CATSPER2: variants seen among roughly 807,000 people sequenced by gnomAD.
CATSPER2 encodes the protein cation channel sperm associated 2, also known as cation channel sperm-associated protein 2.
In CATSPER2, 56 loss-of-function variants were observed where a neutral mutation model predicts 68.8. The ratio of observed to expected loss-of-function variants is 0.81; its 90% CI spans 0.66 to 1.02. The LOEUF is 1.02. Among genes scored for constraint, CATSPER2 ranks in the 50% least tolerant of loss-of-function variants. The pLI, the probability that CATSPER2 is intolerant of heterozygous loss-of-function variation, is 0.00. For synonymous variants in CATSPER2, 198 were observed against 229.9 expected, an observed-to-expected ratio of 0.86 and a Z score of 1.26; for missense variants, 582 against 642.0, an observed-to-expected ratio of 0.91 and a Z score of 1.01.
Position 43,630,702 on chromosome 15 carries a change from T to A in CATSPER2, c.1592A>T (p.Ter531LeuextTer27). 6.2e-7 allele frequency: 1 copy of A among 1,611,826 alleles called. No individual in the cohort carries two copies. The highest frequency in any genetic ancestry group is 8.5e-7 in the Non-Finnish European group (1 of 1,179,568). The change falls in exon 13 of 13, where the codon TAA becomes TTA. Residue 531 changes from the stop codon to leucine (L), a stop_lost. Coordinates refer to ENST00000396879, the MANE Select transcript of CATSPER2 (RefSeq NM_172095.4). ...AGGATATTGAAGCCATCCATTGCTT[T>A]ACTTGTCTTCCAAGTTCATCAGTGC... ...VQALMNLEDK[*>L]
At chr15:43,648,882 C>G (rs1567135667), upstream of CATSPER2, 1 of 1,495,428 alleles carries the variant, frequency 6.7e-7, no homozygotes. Context: ...CCCGCCCCGC[C>G]CCGCTCTCCG....
chr15:43,648,785 C>T lies in CATSPER2; in HGVS notation c.-159G>A, dbSNP rs1445935205. The stretch of plus-strand genomic sequence containing the variant: ...CCCGCCCCGCTCGACCCCCAGGTTT[C>T]GGCTCACCCCGGGACCCGGCCCTAG... On this transcript the variant is annotated 5_prime_UTR_variant, in exon 1 of 13. Coordinates refer to ENST00000396879, the MANE Select transcript of CATSPER2 (RefSeq NM_172095.4). 5 of 1,530,498 alleles carry T rather than the reference C, an allele frequency of 3.3e-6. No homozygotes were observed. The highest frequency in any genetic ancestry group is 1.2e-5 in the South Asian group (1 of 83,364). The allele number at this position is 1,530,498 out of a possible 1,614,324, so 94.8% of individuals were successfully genotyped here. A position where few individuals can be genotyped will look rare whatever the true frequency, so the allele number is the denominator to read the frequency against.
In CATSPER2 at chr15:43,638,287, T is replaced by C. The variant is rs1305094568; in HGVS notation, c.842+617A>G. On this transcript the variant is annotated intron_variant, in intron 7 of 12. Transcript: ENST00000396879. ...TTTTTCTTTTCTTTTTCTTTCTTTCTTTTTTTTTTTTTTTTTTTTTGAGAT... is the reference window on the plus strand; with the variant it reads ...TTTTTCTTTTCTTTTTCTTTCTTTCCTTTTTTTTTTTTTTTTTTTTGAGAT... Among the ~76,000 whole-genome samples, 5 of 62,230 alleles carry C rather than the reference T, an allele frequency of 8.0e-5. No homozygotes were observed. The East Asian group carries it at 1.8e-3, about 22-fold the overall frequency. 40.8% of individuals were successfully genotyped at this position (62,230 alleles called of 152,430 possible).
At position 43,647,990 on chromosome 15, in the gene CATSPER2, A is replaced by T. The variant is rs1197303822; in HGVS notation, c.72T>A (p.Asp24Glu). The change falls in exon 2 of 13, where the codon GAT becomes GAA. Residue 24 changes from aspartate (D) to glutamate (E), a missense_variant. Coordinates refer to ENST00000396879, the MANE Select transcript of CATSPER2 (RefSeq NM_172095.4). ...RADAIRSRLI[D>E]TFSLIEHLQG... Reference sequence around the variant, plus strand: ...GCAAATGCTCAATGAGAGAGAAAGTATCGATGAGACGTGAACGAATGGCAT... The same window carrying T: ...GCAAATGCTCAATGAGAGAGAAAGTTTCGATGAGACGTGAACGAATGGCAT... The T allele has an allele frequency of 1.9e-6, 3 of 1,613,574 alleles. No individual in the cohort carries two copies. In the Admixed American group the frequency reaches 5.0e-5, roughly 27 times the overall value.
intron 12 of CATSPER2, among the ~76,000 whole-genome samples, chr15:43,631,746 C>T (rs918012224): frequency 1.1e-4 from 16 of 152,024 alleles, no homozygotes; most frequent in Admixed American, 9.2e-4. Flanking sequence ...ACAGTGAGCA[C>T]GTGTGGGCAT....
intron 12 of CATSPER2, chr15:43,631,316 C>T (rs547258708): frequency 5.0e-5 from 9 of 180,770 alleles, no homozygotes; most frequent in African/African-American, 7.2e-5. Flanking sequence ...CTGCAACCTC[C>T]GCCTTCCAGG....
intron 10 of CATSPER2, chr15:43,633,345 C>T: frequency 3.8e-6 from 1 of 260,336 alleles, no homozygotes; most frequent in Non-Finnish European, 7.5e-6. Context: ...TGTCACTCCT[C>T]TGTTCTGCTT....
chr15:43,648,011 G>A lies in CATSPER2; in HGVS notation c.51C>T (p.Ala17=). The part of the protein sequence containing the change: ...EEQMQLPRAD[A]IRSRLIDTFS... ...AAGTATCGATGAGACGTGAACGAAT[G>A]GCATCAGCTCGGGGAAGCTGCATCT... Residue 17 remains alanine, a synonymous_variant, in exon 2 of 13, where the codon GCC becomes GCT. Transcript: ENST00000396879. 2.5e-6 allele frequency: 4 copies of A among 1,613,634 alleles called. No homozygotes were observed. The highest frequency in any genetic ancestry group is 3.4e-6 in the Non-Finnish European group (4 of 1,179,714).
intron 7 of CATSPER2, among the ~76,000 whole-genome samples, chr15:43,636,739 A>G (rs1308879540): frequency 6.6e-6 from 1 of 151,782 alleles, no homozygotes. Flanking sequence ...TCACTATTCC[A>G]TTAGTTCTTG....
chr15:43,648,819 C>G lies in CATSPER2; in HGVS notation c.-193G>C. The G allele has an allele frequency of 7.8e-6, 12 of 1,533,120 alleles. No individual in the cohort carries two copies. Among genetic ancestry groups the G allele is most frequent in the Non-Finnish European group, 1.0e-5 (12 of 1,143,574 alleles). 95.0% of individuals were successfully genotyped at this position (1,533,120 alleles called of 1,614,324 possible). On this transcript the variant is annotated 5_prime_UTR_variant, in exon 1 of 13. Transcript: ENST00000396879. Reference sequence around the variant, plus strand: ...CCGGGACCCGGCCCTAGCCCCTACCCACAGCCCAGGACCATGCGGAGCAAC... The same window carrying G: ...CCGGGACCCGGCCCTAGCCCCTACCGACAGCCCAGGACCATGCGGAGCAAC...
At chr15:43,637,515 T>C (rs1371275250) in intron 7 of CATSPER2, 1 of 151,894 alleles carries the variant, frequency 6.6e-6, no homozygotes, top group Non-Finnish European at 1.5e-5. Context: ...CTGTTAGAAT[T>C]TAACAGAGTG....
chr15:43,641,445 A>G (rs141548044), intron 4 of CATSPER2, among the ~76,000 whole-genome samples: 3,899 of 151,542 alleles, frequency 0.026, 120 homozygotes, highest in Middle Eastern at 0.038. Flanking sequence ...CTATTCCTTA[A>G]TTCATTGCCT....
At chr15:43,645,978 A>AT (rs1054608161) in intron 4 of CATSPER2, among the ~76,000 whole-genome samples, 3 of 151,894 alleles carry the variant, frequency 2.0e-5, no homozygotes, top group South Asian at 2.1e-4. Context: ...TTTTTAAGTA[A>AT]TTTTTTTGGC....
chr15:43,632,791 T>C lies in CATSPER2; in HGVS notation c.1322A>G (p.Gln441Arg). The C allele has an allele frequency of 1.9e-6, 3 of 1,613,756 alleles. No individual in the cohort carries two copies. Among genetic ancestry groups the C allele is most frequent in the South Asian group, 1.1e-5 (1 of 91,046 alleles). Residue 441 changes from glutamine (Q) to arginine (R), a missense_variant, in exon 11 of 13, where the codon CAG becomes CGG. Gln to Arg is a conservative substitution (Grantham distance 43). Coordinates refer to ENST00000396879, the MANE Select transcript of CATSPER2 (RefSeq NM_172095.4). ...TGTGGAGGAGACACAGGAGGAAGAC[T>C]GGTACTCTCTCTTTTTTGACAAGGT... Reference protein sequence around the residue: ...EETLSKKREYQSSSCVSSTSS... With the variant: ...EETLSKKREYRSSSCVSSTSS...
chr15:43,644,719 AG>A (rs1480138562), intron 4 of CATSPER2, among the ~76,000 whole-genome samples: 1 of 151,962 alleles, frequency 6.6e-6, no homozygotes, highest in Non-Finnish European at 1.5e-5. Flanking sequence ...GAGGTGGAAC[AG>A]CTTCATCCTG....
rs1246220886 is a variant in CATSPER2 at position 43,639,998 on chromosome 15, G to A, written c.562-200C>T. 2.8e-6 allele frequency: 4 copies of A among 1,447,668 alleles called. No individual in the cohort carries two copies. The African/African-American group carries it at 5.8e-5, about 21-fold the overall frequency. 89.7% of individuals were successfully genotyped at this position (1,447,668 alleles called of 1,614,324 possible). On this transcript the variant is annotated intron_variant, in intron 5 of 12. Coordinates refer to ENST00000396879, the MANE Select transcript of CATSPER2 (RefSeq NM_172095.4). ...AAACTTGTTCAGATATAAAAAGGGGGATAAAATTCATGGTTATTTAATTGG... is the reference window on the plus strand; with the variant it reads ...AAACTTGTTCAGATATAAAAAGGGGAATAAAATTCATGGTTATTTAATTGG...
intron 7 of CATSPER2, among the ~76,000 whole-genome samples, chr15:43,636,479 C>T (rs1327308940): frequency 1.3e-5 from 2 of 151,846 alleles, no homozygotes; most frequent in African/African-American, 4.8e-5. Flanking sequence ...CAACCTCCAC[C>T]TCCTGGGTTC....
Position 43,647,199 on chromosome 15 carries a change from A to G in CATSPER2, c.320-81T>C, listed in dbSNP as rs2086184015. On this transcript the variant is annotated intron_variant, in intron 3 of 12. Coordinates refer to ENST00000396879, the MANE Select transcript of CATSPER2 (RefSeq NM_172095.4). ...AAATAATAAGAGCAATAACATAAGC[A>G]GTGAAAATGAGACAGTGGAGTATGG... The G allele has an allele frequency of 3.2e-6, 5 of 1,558,592 alleles. No individual in the cohort carries two copies. The East Asian group carries it at 6.7e-5, about 21-fold the overall frequency.
Position 43,648,737 on chromosome 15 carries a change from C to T in CATSPER2, c.-111G>A. 14 of 1,521,586 alleles carry T rather than the reference C, an allele frequency of 9.2e-6. No homozygotes were observed. Among genetic ancestry groups the T allele is most frequent in the Non-Finnish European group, 1.2e-5 (14 of 1,139,116 alleles). 94.3% of individuals were successfully genotyped at this position (1,521,586 alleles called of 1,614,324 possible). ...ATGCAAGACGAGCTCAGGGCCGGCT[C>T]CCAGCCTCACTGCGCCCCATTCCCC... On this transcript the variant is annotated 5_prime_UTR_variant, in exon 1 of 13. Transcript: ENST00000396879.
Sources: gnomAD v4.1 joint callset for allele counts (sites outside exome capture counted in the v4.1 genomes callset) on GRCh38, gnomAD v4.1.1 for gene constraint, MANE v1.5 for transcripts, NCBI Gene and HGNC (gene_info 2026-07-23, HGNC 2026-07-21) for gene names.